Variants in GTF2A2 observed in about 807,000 individuals in gnomAD.
GTF2A2 encodes general transcription factor IIA subunit 2.
GTF2A2 carries 9 observed loss-of-function variants against 14.3 expected under a neutral mutation model. That is an observed-to-expected ratio of 0.63 (90% CI 0.38 to 1.10). The LOEUF is 1.10. Among genes scored for constraint, GTF2A2 ranks in the 50% least tolerant of loss-of-function variants. GTF2A2 has a pLI of 0.01. For missense variants in GTF2A2, 90 were observed against 124.6 expected (o/e 0.72, Z 1.32); for synonymous variants, 56 against 46.0 (o/e 1.22, Z -0.88).
At chr15:59,652,128 C>G (rs528976381) in intron 2 of GTF2A2, 78 bp downstream of exon 2, 9 of 818,490 alleles carry the variant, frequency 1.1e-5, no homozygotes, top group East Asian at 2.5e-5. Flanking sequence ...CCTCATATCT[C>G]TTTGCCTAAG....
At chr15:59,644,911 G>C (rs1424119928) in intron 3 of GTF2A2, among the ~76,000 whole-genome samples, 1 of 152,164 alleles carries the variant, frequency 6.6e-6, no homozygotes, top group Non-Finnish European at 1.5e-5. Flanking sequence ...TTGCATTTTT[G>C]GTGATGACAT....
intron 3 of GTF2A2, among the ~76,000 whole-genome samples, chr15:59,648,865 C>G (rs1380166001): frequency 2.0e-5 from 3 of 151,960 alleles, no homozygotes; most frequent in Non-Finnish European, 4.4e-5. Context: ...ACCCGGGAGG[C>G]GGAGCTTGCA....
chr15:59,645,264 G>A (rs1416180304), intron 3 of GTF2A2, among the ~76,000 whole-genome samples: 3 of 152,164 alleles, frequency 2.0e-5, no homozygotes, highest in South Asian at 2.1e-4. Flanking sequence ...TGGAGTATAG[G>A]AGAAAGCATG....
rs745880581 is a variant in GTF2A2, at chr15:59,638,342, C to T, written c.*790G>A. 9 of 152,120 alleles carry T rather than the reference C, an allele frequency of 5.9e-5. No individual in the cohort carries two copies. The highest frequency in any genetic ancestry group is 1.2e-4 in the Non-Finnish European group (8 of 68,032). 9.4% of individuals were successfully genotyped at this position (152,120 alleles called of 1,614,324 possible). A position where few individuals can be genotyped will look rare whatever the true frequency, so the allele number is the denominator to read the frequency against. On this transcript the variant is annotated 3_prime_UTR_variant, in exon 5 of 5. Transcript: ENST00000396060. ...AGTTAACCATGTAAGAAACTCCTCA[C>T]CTAGGGTCAGTATGTTACTTCTGTA...
Position 59,652,225 on chromosome 15 carries a change from C to G in GTF2A2, c.53G>C (p.Ser18Thr). 1 of 1,593,140 alleles carries G rather than the reference C, an allele frequency of 6.3e-7. No homozygotes were observed. ...TCCCACCTGTATGAGCTCATCTAGG[C>G]TCTCCTGAAGACTGTTTCCCAAAGT... ...NTTLGNSLQESLDELIQSQQI... is the reference protein window; with the variant it reads ...NTTLGNSLQETLDELIQSQQI... Residue 18 changes from serine (S) to threonine (T), a missense_variant, in exon 2 of 5, where the codon AGC becomes ACC. Ser to Thr is a moderately conservative substitution (Grantham distance 58). Coordinates refer to ENST00000396060, the MANE Select transcript of GTF2A2 (RefSeq NM_004492.3).
At chr15:59,647,965 T>A (rs557373963) in intron 3 of GTF2A2, among the ~76,000 whole-genome samples, 1 of 152,338 alleles carries the variant, frequency 6.6e-6, no homozygotes, top group African/African-American at 2.4e-5. Context: ...GAAGGGCTAT[T>A]TTTCTTGATC....
rs765142729 is a variant in GTF2A2 at position 59,639,172 on chromosome 15, A to T, written c.305-15T>A. The T allele has an allele frequency of 7.1e-7, 1 of 1,414,760 alleles. No individual in the cohort carries two copies. The highest frequency in any genetic ancestry group is 1.0e-6 in the Non-Finnish European group (1 of 1,003,514). 87.6% of individuals were successfully genotyped at this position (1,414,760 alleles called of 1,614,324 possible). A position where few individuals can be genotyped will look rare whatever the true frequency, so the allele number is the denominator to read the frequency against. ...GGAGCCAGTATCTAGGAAACAAAAG[A>T]GAAAGTAAAGTAAAGTAAATTCAAG... On this transcript the variant is annotated splice_polypyrimidine_tract_variant and intron_variant, in intron 4 of 4. Transcript: ENST00000396060.
rs77759749 is a variant in GTF2A2 at position 59,639,106 on chromosome 15, G to A, written c.*26C>T. The A allele has an allele frequency of 1.5e-3, 1,876 of 1,283,356 alleles. 18 individuals are homozygous for A. The African/African-American group carries it at 0.025, about 17-fold the overall frequency. 79.5% of individuals were successfully genotyped at this position (1,283,356 alleles called of 1,614,324 possible). ...CAAAAGCAATGAATAACAGAAGATG[G>A]TGTAAAAAAGTCATATTTTTTCTAT... On this transcript the variant is annotated 3_prime_UTR_variant, in exon 5 of 5. Coordinates refer to ENST00000396060, the MANE Select transcript of GTF2A2 (RefSeq NM_004492.3).
intron 4 of GTF2A2, 101 bp downstream of exon 4, chr15:59,642,035 G>A (rs1891446393): frequency 2.1e-6 from 2 of 960,200 alleles, no homozygotes; most frequent in South Asian, 3.6e-5. Context: ...TGATCATAGG[G>A]CCATTTTACC....
Position 59,642,142 on chromosome 15 carries a change from C to A in GTF2A2, c.298G>T (p.Gly100Cys). The change falls in exon 4 of 5, where the codon GGT (glycine) becomes TGT (cysteine). Residue 100 changes from glycine (G) to cysteine (C), a missense_variant. Gly to Cys is a radical substitution (Grantham distance 159). Coordinates refer to ENST00000396060, the MANE Select transcript of GTF2A2 (RefSeq NM_004492.3). The part of the protein sequence containing the change: ...VDKVKIVACD[G>C]KNTGSNTTE ...AAATAAGGCAAGCACTTACTTTTAC[C>A]ATCACAGGCTACAATTTTCACTTTA... 1 of 1,603,726 alleles carries A rather than the reference C, an allele frequency of 6.2e-7. No individual in the cohort carries two copies. The highest frequency in any genetic ancestry group is 1.1e-5 in the South Asian group (1 of 88,604).
At chr15:59,644,514 G>A (rs564287266) in intron 3 of GTF2A2, among the ~76,000 whole-genome samples, 1 of 152,308 alleles carries the variant, frequency 6.6e-6, no homozygotes, top group East Asian at 1.9e-4. Context: ...GGATACAATG[G>A]TAAGCACAGC....
rs532416054 is a variant in GTF2A2 at position 59,638,983 on chromosome 15, A to C, written c.*149T>G. On this transcript the variant is annotated 3_prime_UTR_variant, in exon 5 of 5. Transcript: ENST00000396060. Reference sequence around the variant, plus strand: ...ATAAAGGTGATGTAAGAGGCTACAGAGTTACAAGTTTCTTTCTACTGGAAT... The same window carrying C: ...ATAAAGGTGATGTAAGAGGCTACAGCGTTACAAGTTTCTTTCTACTGGAAT... 7 of 629,058 alleles carry C rather than the reference A, an allele frequency of 1.1e-5. No individual in the cohort carries two copies. The highest frequency in any genetic ancestry group is 8.7e-5 in the South Asian group (5 of 57,606). 39.0% of individuals were successfully genotyped at this position (629,058 alleles called of 1,614,324 possible). A position where few individuals can be genotyped will look rare whatever the true frequency, so the allele number is the denominator to read the frequency against.
At chr15:59,656,030 C>G (rs370282858) in intron 1 of GTF2A2, among the ~76,000 whole-genome samples, 8 of 152,208 alleles carry the variant, frequency 5.3e-5, no homozygotes, top group Admixed American at 2.6e-4. Flanking sequence ...CTAATCACAA[C>G]TCACAGCCAG....
chr15:59,647,337 G>A (rs1490663822), intron 3 of GTF2A2, among the ~76,000 whole-genome samples: 1 of 152,164 alleles, frequency 6.6e-6, no homozygotes, highest in Non-Finnish European at 1.5e-5. Flanking sequence ...GCCCTCAAGT[G>A]ATCCTCCCAC....
At chr15:59,652,561 A>T (rs191111333) in intron 1 of GTF2A2, among the ~76,000 whole-genome samples, 6 of 152,210 alleles carry the variant, frequency 3.9e-5, no homozygotes, top group Admixed American at 2.6e-4. Context: ...TAGCTGTTAT[A>T]TTTATTAAAA....
intron 1 of GTF2A2, among the ~76,000 whole-genome samples, chr15:59,656,250 T>C (rs866896655): frequency 2.0e-5 from 3 of 152,226 alleles, no homozygotes; most frequent in Non-Finnish European, 4.4e-5. Flanking sequence ...AGCATTTGTA[T>C]TGGCTTTCCT....
At chr15:59,650,170 G>A (rs1891748096) in intron 3 of GTF2A2, among the ~76,000 whole-genome samples, 1 of 152,196 alleles carries the variant, frequency 6.6e-6, no homozygotes, top group Non-Finnish European at 1.5e-5. Flanking sequence ...AGTGACTGAA[G>A]TGAGACCAAG....
chr15:59,646,298 T>G (rs1891604559), intron 3 of GTF2A2, among the ~76,000 whole-genome samples: 1 of 152,186 alleles, frequency 6.6e-6, no homozygotes. Context: ...TCAAGTGGTC[T>G]GCCTGCCTTG....
At chr15:59,645,191 A>C (rs557554986) in intron 3 of GTF2A2, among the ~76,000 whole-genome samples, 1 of 152,214 alleles carries the variant, frequency 6.6e-6, no homozygotes. Context: ...GTTGGGGAGT[A>C]AAGTTAAATT....
Sources: allele counts gnomAD v4.1 joint callset (sites outside exome capture counted in the v4.1 genomes callset), GRCh38; gene constraint gnomAD v4.1.1; transcripts MANE v1.5; gene names NCBI Gene and HGNC (gene_info 2026-07-23, HGNC 2026-07-21).